The following HPD variants were observed in gnomAD, a reference collection of about 807,000 sequenced individuals.
HPD encodes the protein 4-hydroxyphenylpyruvic acid oxidase.
HPD carries 35 observed loss-of-function variants against 56.9 expected under a neutral mutation model. The observed-to-expected ratio is 0.62, with a 90% CI of 0.47 to 0.82. The LOEUF (loss-of-function observed/expected upper bound fraction) is 0.82, where lower values mean the gene tolerates loss of function less well. Ranked by LOEUF, HPD falls within the 40% of genes least tolerant of loss-of-function variation. HPD has a pLI of 0.00. For synonymous variants in HPD, 186 were observed against 200.2 expected (o/e 0.93, Z 0.60); for missense variants, 442 against 506.8 (o/e 0.87, Z 1.23).
upstream of HPD, among the ~76,000 whole-genome samples, chr12:121,867,130 C>A (rs190575619): frequency 1.3e-5 from 2 of 152,254 alleles, no homozygotes; most frequent in African/African-American, 2.4e-5. Context: ...GTGGGCAGAT[C>A]ACCTGAAGTC....
At chr12:121,875,771 G>T in the HPD span, among the ~76,000 whole-genome samples, 2 of 152,016 alleles carry the variant, frequency 1.3e-5, no homozygotes, top group Non-Finnish European at 2.9e-5. Context: ...TGAACTTGGG[G>T]TTAAGCTAAG....
chr12:121,886,581 C>T, the HPD span, among the ~76,000 whole-genome samples: 1 of 152,052 alleles, frequency 6.6e-6, no homozygotes, highest in East Asian at 1.9e-4. Context: ...TTACATTTTG[C>T]CTCTTTCTCC....
In HPD at chr12:121,857,823, CAGA is replaced by C. The variant is rs764612417; in HGVS notation, c.31-7_31-5del. On this transcript the variant is annotated splice_region_variant and splice_polypyrimidine_tract_variant and intron_variant, in intron 2 of 13. Transcript: ENST00000289004. ...GGAGGAATCGGCCTCTCTCAGGCTG[CAGA>C]AGGAGAGAAGAGGTGAGGTTGAGTC... The C allele has an allele frequency of 1.4e-5, 23 of 1,613,220 alleles. No individual in the cohort carries two copies. In the Admixed American group the frequency reaches 2.7e-4, roughly 19 times the overall value.
chr12:121,861,952 A>G (rs902475373), upstream of HPD, among the ~76,000 whole-genome samples: 1 of 152,020 alleles, frequency 6.6e-6, no homozygotes, highest in Non-Finnish European at 1.5e-5. Flanking sequence ...CGAGGCTGCA[A>G]TGAGCTATGA....
chr12:121,867,337 G>T (rs1196147124), upstream of HPD, among the ~76,000 whole-genome samples: 13 of 143,766 alleles, frequency 9.0e-5, no homozygotes, highest in African/African-American at 3.0e-4. Flanking sequence ...GGGAGACAGA[G>T]AGAGACCCTG....
chr12:121,852,382 C>A (rs1004518870), intron 7 of HPD, among the ~76,000 whole-genome samples: 1 of 151,850 alleles, frequency 6.6e-6, no homozygotes, highest in Non-Finnish European at 1.5e-5. Context: ...CTTGCCCATG[C>A]TGGTCTCGAA....
intron 9 of HPD, among the ~76,000 whole-genome samples, chr12:121,847,982 T>G (rs1048192197): frequency 6.6e-5 from 10 of 152,216 alleles, no homozygotes; most frequent in African/African-American, 2.4e-4. Flanking sequence ...ACCTTTATGA[T>G]GACATTTTTC....
At position 121,856,326 on chromosome 12, in the gene HPD, G is replaced by T; in HGVS notation, c.322C>A (p.Gln108Lys). The T allele has an allele frequency of 6.2e-7, 1 of 1,613,266 alleles. No individual in the cohort carries two copies. The highest frequency in any genetic ancestry group is 8.5e-7 in the Non-Finnish European group (1 of 1,179,208). Residue 108 changes from glutamine to lysine, a missense_variant and splice_region_variant, in exon 6 of 14, where the codon CAG becomes AAG. Physicochemically the swap from Gln to Lys is moderately conservative, Grantham distance 53 (BLOSUM62 1). Transcript: ENST00000289004. ...FEVEDCDYIV[Q>K]KARERGAKIM... ...AGTCCACCCAGGTGCTTTCTTACCT[G>T]CACGATGTAGTCACAATCTTCCACC...
At chr12:121,885,492 GC>G in the HPD span, among the ~76,000 whole-genome samples, 2 of 151,780 alleles carry the variant, frequency 1.3e-5, no homozygotes, top group East Asian at 2.0e-4. Context: ...GAGCCACCAC[GC>G]CCGGCCTATA....
At chr12:121,858,464 A>G (rs936109421) in intron 2 of HPD, among the ~76,000 whole-genome samples, 7 of 151,988 alleles carry the variant, frequency 4.6e-5, no homozygotes, top group African/African-American at 1.7e-4. Flanking sequence ...GATTACAGGC[A>G]TGAGCCACCA....
chr12:121,858,475 T>C (rs1035994473), intron 2 of HPD, among the ~76,000 whole-genome samples: 2 of 152,050 alleles, frequency 1.3e-5, no homozygotes, highest in African/African-American at 4.8e-5. Context: ...TGAGCCACCA[T>C]GCCCGGCCAG....
chr12:121,875,559 G>A, the HPD span, among the ~76,000 whole-genome samples: 4 of 151,594 alleles, frequency 2.6e-5, no homozygotes, highest in African/African-American at 9.7e-5. Context: ...CCAAGTAGCT[G>A]GAATTATAGG....
intron 7 of HPD, among the ~76,000 whole-genome samples, chr12:121,850,539 T>G (rs1448335476): frequency 6.8e-6 from 1 of 147,318 alleles, no homozygotes; most frequent in East Asian, 2.1e-4. Context: ...ATTGGCACGA[T>G]CTCGGCTTAC....
At chr12:121,882,612 G>T in the HPD span, among the ~76,000 whole-genome samples, 70 of 152,316 alleles carry the variant, frequency 4.6e-4, no homozygotes, top group African/African-American at 1.6e-3. Context: ...TCCAGTGCAT[G>T]GGACAGACAG....
At chr12:121,862,117 C>T (rs1878190619), upstream of HPD, among the ~76,000 whole-genome samples, 1 of 152,184 alleles carries the variant, frequency 6.6e-6, no homozygotes, top group African/African-American at 2.4e-5. Flanking sequence ...TTGCTCCACT[C>T]AACACACAGG....
chr12:121,884,475 A>AT, the HPD span, among the ~76,000 whole-genome samples: 5,804 of 146,846 alleles, frequency 0.04, 364 homozygotes, highest in African/African-American at 0.13. Flanking sequence ...CCGCTAATTA[A>AT]TTTTTTTTTT....
chr12:121,885,386 G>A, the HPD span, among the ~76,000 whole-genome samples: 1 of 151,482 alleles, frequency 6.6e-6, no homozygotes, highest in African/African-American at 2.4e-5. Context: ...ATTTTTGGTG[G>A]AGACAGAGTT....
At chr12:121,850,943 A>C (rs1264055611) in intron 7 of HPD, among the ~76,000 whole-genome samples, 1 of 149,232 alleles carries the variant, frequency 6.7e-6, no homozygotes, top group Non-Finnish European at 1.5e-5. Context: ...GGCTCACCAC[A>C]ACGTCTGCCT....
the HPD span, among the ~76,000 whole-genome samples, chr12:121,879,729 GATA>G: frequency 2.6e-5 from 4 of 152,136 alleles, no homozygotes; most frequent in African/African-American, 9.7e-5. Context: ...AAGATATACA[GATA>G]ATGATACATA....
Sources: gnomAD v4.1 joint callset for allele counts (sites outside exome capture counted in the v4.1 genomes callset) on GRCh38, gnomAD v4.1.1 for gene constraint, MANE v1.5 for transcripts, NCBI Gene and HGNC (gene_info 2026-07-23, HGNC 2026-07-21) for gene names.